GPC5: variants seen among roughly 807,000 people sequenced by gnomAD.
GPC5 encodes glypican-5.
Under a neutral mutation model 53.9 loss-of-function variants are expected in GPC5, and 47 were observed. The observed-to-expected ratio is 0.87, with a 90% confidence interval of 0.69 to 1.11. The LOEUF (loss-of-function observed/expected upper bound fraction) is 1.11, where lower values mean the gene tolerates loss of function less well. Among genes scored for constraint, GPC5 ranks in the 50% most tolerant of loss-of-function variants. The pLI is 0.00. For synonymous variants in GPC5, 286 were observed against 263.3 expected (o/e 1.09, Z -0.84); for missense variants, 748 against 713.1 (o/e 1.05, Z -0.56).
At chr13:91,460,684 T>C in intron 2 of GPC5, among the ~76,000 whole-genome samples, 1 of 152,130 alleles carries the variant, frequency 6.6e-6, no homozygotes, top group East Asian at 1.9e-4. Flanking sequence ...AATTTAAAAT[T>C]ATAAAATGGC....
At chr13:91,655,074 C>A (rs577862951) in intron 2 of GPC5, among the ~76,000 whole-genome samples, 1 of 152,184 alleles carries the variant, frequency 6.6e-6, no homozygotes, top group Admixed American at 6.5e-5. Flanking sequence ...AATGAATGGT[C>A]TCCATGTATC....
intron 7 of GPC5, among the ~76,000 whole-genome samples, chr13:92,702,533 T>C (rs184615774): frequency 6.6e-6 from 1 of 152,186 alleles, no homozygotes; most frequent in East Asian, 1.9e-4. Context: ...TCAGAAGCAA[T>C]AGAAATCCAT....
At position 91,760,270 on chromosome 13, in the gene GPC5, T is replaced by G. The variant is rs555649618; in HGVS notation, c.1280+3850T>G. Among the ~76,000 whole-genome samples, 316 of 152,180 alleles carry G rather than the reference T, an allele frequency of 2.1e-3. 2 individuals are homozygous for G. Among genetic ancestry groups the G allele is most frequent in the African/African-American group, 7.3e-3 (304 of 41,520 alleles). ...GAACTGCTGAATTTATCTAGGAGAG[T>G]TTCTATACAAAGTCAAGTCCTGATC... On this transcript the variant is annotated intron_variant, in intron 5 of 7. Coordinates refer to ENST00000377067, the MANE Select transcript of GPC5 (RefSeq NM_004466.6).
At chr13:91,674,400 C>CAT (rs148433294) in intron 2 of GPC5, among the ~76,000 whole-genome samples, 16,142 of 139,936 alleles carry the variant, frequency 0.12, 1,470 homozygotes, top group East Asian at 0.2. Context: ...TACACACACA[C>CAT]ATATATATAT....
At chr13:92,574,696 G>A (rs965653810) in intron 7 of GPC5, among the ~76,000 whole-genome samples, 2 of 152,160 alleles carry the variant, frequency 1.3e-5, no homozygotes, top group Admixed American at 6.6e-5. Flanking sequence ...GTCTGGCTCT[G>A]AACTCTATGT....
intron 7 of GPC5, among the ~76,000 whole-genome samples, chr13:92,507,942 TATTTAATTA>T (rs1258955618): frequency 1.3e-5 from 2 of 152,306 alleles, no homozygotes; most frequent in East Asian, 3.9e-4. Flanking sequence ...TACAAATTTT[TATTTAATTA>T]ATTTAATTAA....
At chr13:92,103,972 C>CA (rs2041486961) in intron 6 of GPC5, among the ~76,000 whole-genome samples, 1 of 152,138 alleles carries the variant, frequency 6.6e-6, no homozygotes, top group Non-Finnish European at 1.5e-5. Context: ...TTTGTTTGCC[C>CA]TGACCATTAT....
At chr13:91,636,082 G>A (rs1239900545) in intron 2 of GPC5, among the ~76,000 whole-genome samples, 1 of 151,924 alleles carries the variant, frequency 6.6e-6, no homozygotes, top group Non-Finnish European at 1.5e-5. Flanking sequence ...ATTCTGTATA[G>A]TTTCTTAGTA....
intron 7 of GPC5, among the ~76,000 whole-genome samples, chr13:92,549,092 G>T (rs1594296185): frequency 6.6e-6 from 1 of 151,858 alleles, no homozygotes; most frequent in Non-Finnish European, 1.5e-5. Context: ...TTTTGAAATA[G>T]GTAAAAACAA....
chr13:91,799,999 T>G (rs1265596602), intron 5 of GPC5, among the ~76,000 whole-genome samples: 1 of 152,110 alleles, frequency 6.6e-6, no homozygotes, highest in African/African-American at 2.4e-5. Flanking sequence ...AAGTATCAAG[T>G]ATCAACCCTA....
chr13:91,542,019 T>TATTAATATTA (rs1555321637), intron 2 of GPC5, among the ~76,000 whole-genome samples: 19 of 147,036 alleles, frequency 1.3e-4, no homozygotes, highest in Admixed American at 2.7e-4. Context: ...GAGCTCTTAA[T>TATTAATATTA]ATTAATTAAT....
At chr13:91,765,403 C>T (rs539069304) in intron 5 of GPC5, among the ~76,000 whole-genome samples, 2 of 152,206 alleles carry the variant, frequency 1.3e-5, no homozygotes, top group Non-Finnish European at 2.9e-5. Context: ...ATGTCTAGCA[C>T]CTCACTGAAA....
intron 6 of GPC5, among the ~76,000 whole-genome samples, chr13:92,099,639 C>A (rs1388548740): frequency 6.6e-6 from 1 of 152,062 alleles, no homozygotes; most frequent in East Asian, 1.9e-4. Flanking sequence ...AGTCAGAGTG[C>A]CTGATGCATA....
intron 5 of GPC5, among the ~76,000 whole-genome samples, chr13:91,781,703 C>T (rs1854980): frequency 0.33 from 50,761 of 152,092 alleles, 9,965 homozygotes; most frequent in East Asian, 0.65. Flanking sequence ...AACTGCAGCA[C>T]TGATAAGTCG....
intron 7 of GPC5, among the ~76,000 whole-genome samples, chr13:92,361,926 A>G (rs916900713): frequency 6.6e-6 from 1 of 151,598 alleles, no homozygotes; most frequent in African/African-American, 2.4e-5. Flanking sequence ...AGCTTTTGTA[A>G]CATAAATGTA....
chr13:92,417,504 A>C (rs1468135249), intron 7 of GPC5, among the ~76,000 whole-genome samples: 1 of 152,190 alleles, frequency 6.6e-6, no homozygotes, highest in African/African-American at 2.4e-5. Context: ...ATGCCTCAAA[A>C]ATTAAACCAT....
At chr13:92,634,112 C>T (rs1177978668) in intron 7 of GPC5, among the ~76,000 whole-genome samples, 11 of 130,856 alleles carry the variant, frequency 8.4e-5, no homozygotes, top group Middle Eastern at 4.0e-3. Flanking sequence ...CTCTTGGTTA[C>T]GGACTATCTT....
intron 5 of GPC5, among the ~76,000 whole-genome samples, chr13:91,853,332 A>C (rs2138895703): frequency 6.6e-6 from 1 of 152,172 alleles, no homozygotes; most frequent in South Asian, 2.1e-4. Context: ...TTTTCATTTA[A>C]AATATCATAG....
intron 2 of GPC5, among the ~76,000 whole-genome samples, chr13:91,472,252 G>A (rs946119975): frequency 6.6e-6 from 1 of 152,108 alleles, no homozygotes; most frequent in Non-Finnish European, 1.5e-5. Context: ...GTTTTTCAGT[G>A]TCAATTACGG....
Sources: gnomAD v4.1 joint callset for allele counts (sites outside exome capture counted in the v4.1 genomes callset) on GRCh38, gnomAD v4.1.1 for gene constraint, MANE v1.5 for transcripts, NCBI Gene and HGNC (gene_info 2026-07-23, HGNC 2026-07-21) for gene names.